PTPRM: variants seen among roughly 807,000 people sequenced by gnomAD.
PTPRM encodes the protein protein tyrosine phosphatase receptor type M, also known as receptor-type tyrosine-protein phosphatase mu.
In PTPRM, 47 loss-of-function variants were observed where a neutral mutation model predicts 186.7. The ratio of observed to expected loss-of-function variants is 0.25; its 90% CI spans 0.20 to 0.32. PTPRM has a LOEUF of 0.32. PTPRM is among the 10% of genes least tolerant of loss of function. PTPRM has a pLI of 1.00. For missense variants in PTPRM, 1,494 were observed against 1,865.0 expected (o/e 0.80, Z 3.66); for synonymous variants, 668 against 674.9 (o/e 0.99, Z 0.16).
intron 14 of PTPRM, among the ~76,000 whole-genome samples, chr18:8,147,622 T>G (rs1373180537): frequency 8.4e-6 from 1 of 118,604 alleles, no homozygotes; most frequent in Non-Finnish European, 2.0e-5. Flanking sequence ...TCTTCCTGTT[T>G]GAATACCCTT....
chr18:8,163,254 C>A (rs2093264589), intron 14 of PTPRM, among the ~76,000 whole-genome samples: 1 of 152,244 alleles, frequency 6.6e-6, no homozygotes, highest in South Asian at 2.1e-4. Context: ...CAACTTCTAA[C>A]TCATGTTCCA....
At chr18:8,393,370 C>T (rs1056760175) in intron 31 of PTPRM, among the ~76,000 whole-genome samples, 11 of 152,136 alleles carry the variant, frequency 7.2e-5, no homozygotes, top group East Asian at 1.9e-4. Flanking sequence ...CGGCTGGGGA[C>T]GACAGCTACT....
At position 8,231,953 on chromosome 18, in the gene PTPRM, G is replaced by T. The variant is rs559264774; in HGVS notation, c.2301-12105G>T. Among the ~76,000 whole-genome samples the T allele has an allele frequency of 2.0e-5, 3 of 152,198 alleles. No homozygotes were observed. In the East Asian group the frequency reaches 5.8e-4, roughly 29 times the overall value. ...ACCAAAGGCTGTAGTTCACATCAGG[G>T]TTCATTCTTCATAATGCACCTACTA... is the stretch of plus-strand genomic sequence containing the variant. On this transcript the variant is annotated intron_variant, in intron 14 of 32. Transcript: ENST00000580170.
chr18:7,984,405 C>G (rs1269466522), intron 7 of PTPRM, among the ~76,000 whole-genome samples: 3 of 151,710 alleles, frequency 2.0e-5, no homozygotes, highest in African/African-American at 4.8e-5. Flanking sequence ...CAACTGGGTT[C>G]TTTCTGCTAT....
At chr18:8,295,245 T>A (rs754720746) in intron 19 of PTPRM, among the ~76,000 whole-genome samples, 1 of 152,102 alleles carries the variant, frequency 6.6e-6, no homozygotes, top group Admixed American at 6.5e-5. Context: ...AAGCAACAGT[T>A]TACCTCATGG....
chr18:8,031,025 TTTGTA>T (rs1406051765), intron 7 of PTPRM, among the ~76,000 whole-genome samples: 8 of 152,228 alleles, frequency 5.3e-5, no homozygotes, highest in Non-Finnish European at 1.2e-4. Flanking sequence ...TGTGCGCTTG[TTTGTA>T]TTTTACTCCC....
rs989204607 is a variant in PTPRM, at chr18:8,364,319, A to T, written c.3055-6571A>T. Among the ~76,000 whole-genome samples, 208 of 152,288 alleles carry T rather than the reference A, an allele frequency of 1.4e-3. 1 individual carries two copies. Among genetic ancestry groups the T allele is most frequent in the African/African-American group, 4.7e-3 (195 of 41,564 alleles). On this transcript the variant is annotated intron_variant, in intron 23 of 32. Transcript: ENST00000580170. ...AGAAAACAGGCTCGGGGTGGAAGTCATGGAAGTCACCTGCCGCATGAGAAG... is the reference window on the plus strand; with the variant it reads ...AGAAAACAGGCTCGGGGTGGAAGTCTTGGAAGTCACCTGCCGCATGAGAAG...
At chr18:7,713,968 T>A (rs1230601694) in intron 1 of PTPRM, among the ~76,000 whole-genome samples, 1 of 151,462 alleles carries the variant, frequency 6.6e-6, no homozygotes, top group Non-Finnish European at 1.5e-5. Context: ...ATTGGTGAGA[T>A]GGAAAATTAG....
At chr18:7,835,000 T>A (rs903078049) in intron 2 of PTPRM, among the ~76,000 whole-genome samples, 5 of 146,414 alleles carry the variant, frequency 3.4e-5, no homozygotes, top group African/African-American at 1.3e-4. Flanking sequence ...ATCTTTTTTT[T>A]TTTTTTTTTT....
At chr18:8,309,506 C>G (rs998402657) in intron 20 of PTPRM, among the ~76,000 whole-genome samples, 1 of 151,906 alleles carries the variant, frequency 6.6e-6, no homozygotes, top group Non-Finnish European at 1.5e-5. Context: ...AGACACAGCT[C>G]CTCTTAAATA....
chr18:7,914,854 A>C (rs1230944761), intron 4 of PTPRM, among the ~76,000 whole-genome samples: 1 of 152,142 alleles, frequency 6.6e-6, no homozygotes, highest in Non-Finnish European at 1.5e-5. Flanking sequence ...TATGTTACAC[A>C]AATAGAGAGA....
At chr18:8,157,042 C>A (rs2093135560) in intron 14 of PTPRM, among the ~76,000 whole-genome samples, 2 of 152,006 alleles carry the variant, frequency 1.3e-5, no homozygotes, top group Non-Finnish European at 2.9e-5. Flanking sequence ...TGCACCTTTC[C>A]TCCTCAGAGA....
chr18:7,850,798 A>G (rs1019613831), intron 2 of PTPRM, among the ~76,000 whole-genome samples: 1 of 152,208 alleles, frequency 6.6e-6, no homozygotes, highest in Non-Finnish European at 1.5e-5. Context: ...GATTTTCTCT[A>G]CAAGTTTTTA....
Position 7,906,579 on chromosome 18 carries a change from A to T in PTPRM, c.543A>T (p.Pro181=). 6.2e-7 allele frequency: 1 copy of T among 1,607,582 alleles called. No homozygotes were observed. The highest frequency in any genetic ancestry group is 1.1e-5 in the South Asian group (1 of 90,924). ...ATGAGGTGAAGGTGTTAGGACATCC[A>T]TGTAGTAAGTTGTCTTTATTTGTAA... ...AIDEVKVLGH[P]CTRTPHFLRI... The change falls in exon 4 of 33, where the codon CCA becomes CCT. Residue 181 remains proline (P), a synonymous_variant. Transcript: ENST00000580170.
chr18:7,609,195 C>A (rs1246041382), intron 1 of PTPRM, among the ~76,000 whole-genome samples: 1 of 152,166 alleles, frequency 6.6e-6, no homozygotes, highest in Non-Finnish European at 1.5e-5. Flanking sequence ...TCTGCCCAGC[C>A]GTCTGTCTTT....
chr18:8,173,295 GTAA>G (rs1386767870), intron 14 of PTPRM, among the ~76,000 whole-genome samples: 2 of 152,172 alleles, frequency 1.3e-5, no homozygotes, highest in Non-Finnish European at 2.9e-5. Context: ...AGATATAATG[GTAA>G]TGATATATAT....
intron 3 of PTPRM, among the ~76,000 whole-genome samples, chr18:7,902,737 C>T (rs1325160242): frequency 1.3e-5 from 2 of 151,782 alleles, no homozygotes; most frequent in African/African-American, 4.8e-5. Flanking sequence ...AATTTCTTAG[C>T]GTAAAACTTC....
intron 6 of PTPRM, 78 bp downstream of exon 6, chr18:7,949,433 A>G: frequency 8.0e-7 from 1 of 1,242,956 alleles, no homozygotes; most frequent in Non-Finnish European, 1.1e-6. Context: ...ATCCCTTTAA[A>G]GCTCAAACTT....
intron 1 of PTPRM, among the ~76,000 whole-genome samples, chr18:7,648,927 A>G (rs2038630219): frequency 6.6e-6 from 1 of 152,226 alleles, no homozygotes; most frequent in African/African-American, 2.4e-5. Flanking sequence ...TTAGCCTTCT[A>G]TTGGAAGAAG....
Sources: allele counts gnomAD v4.1 joint callset (sites outside exome capture counted in the v4.1 genomes callset), GRCh38; gene constraint gnomAD v4.1.1; transcripts MANE v1.5; gene names NCBI Gene and HGNC (gene_info 2026-07-23, HGNC 2026-07-21).